The following SPTBN4 variants were observed in gnomAD, a reference collection of about 807,000 sequenced individuals.
The protein encoded by SPTBN4 is spectrin beta chain, non-erythrocytic 4.
A neutral mutation model predicts 277.8 loss-of-function variants in SPTBN4; 96 were observed. The observed-to-expected ratio is 0.35, with a 90% CI of 0.29 to 0.41. The LOEUF (loss-of-function observed/expected upper bound fraction) is 0.41, where lower values mean the gene tolerates loss of function less well. Ranked by LOEUF, SPTBN4 falls within the 10% of genes least tolerant of loss-of-function variation. The pLI is 1.00. For synonymous variants in SPTBN4, 1,481 were observed against 1,580.3 expected, an observed-to-expected ratio of 0.94 and a Z score of 1.49; for missense variants, 3,006 against 3,595.7, an observed-to-expected ratio of 0.84 and a Z score of 4.19.
intron 18 of SPTBN4, among the ~76,000 whole-genome samples, chr19:40,531,489 T>TTG: frequency 9.2e-6 from 1 of 108,396 alleles, no homozygotes; most frequent in Non-Finnish European, 1.9e-5. Context: ...TTTTTTTTTT[T>TTG]TTTTTTTTTT....
intron 2 of SPTBN4, among the ~76,000 whole-genome samples, chr19:40,483,554 G>T (rs2080036085): frequency 6.6e-6 from 1 of 152,058 alleles, no homozygotes; most frequent in Non-Finnish European, 1.5e-5. Flanking sequence ...AAACAAATAT[G>T]CAAATATTAA....
At chr19:40,483,336 TA>T (rs1404589631) in intron 2 of SPTBN4, among the ~76,000 whole-genome samples, 1 of 152,096 alleles carries the variant, frequency 6.6e-6, no homozygotes, top group African/African-American at 2.4e-5. Flanking sequence ...ATCCTCAATT[TA>T]AAATAATTAA....
chr19:40,480,242 A>G (rs530788297), intron 2 of SPTBN4, among the ~76,000 whole-genome samples: 1 of 126,378 alleles, frequency 7.9e-6, no homozygotes, highest in East Asian at 2.2e-4. Flanking sequence ...ACAGAGAGAG[A>G]CTCCGTCTCA....
At position 40,513,192 on chromosome 19, in the gene SPTBN4, C is replaced by T. The variant is rs2080413529; in HGVS notation, c.2403C>T (p.Phe801=). Residue 801 remains phenylalanine, a synonymous_variant, in exon 14 of 36, where the codon TTC becomes TTT. Coordinates refer to ENST00000598249, the MANE Select transcript of SPTBN4 (RefSeq NM_020971.3). The stretch of plus-strand genomic sequence containing the variant: ...ACCGCCTGGCAGCCGCCGGTGACTT[C>T]GGCCACGACGAAGCTTCCAGCCGCC... ...DAYRLAAAGD[F]GHDEASSRRL... 2.7e-6 allele frequency: 4 copies of T among 1,504,228 alleles called. No homozygotes were observed. The highest frequency in any genetic ancestry group is 3.5e-6 in the Non-Finnish European group (4 of 1,134,920). The allele number at this position is 1,504,228 out of a possible 1,614,324, so 93.2% of individuals were successfully genotyped here. A position where few individuals can be genotyped will look rare whatever the true frequency, so the allele number is the denominator to read the frequency against.
chr19:40,557,786 C>T (rs559853922), intron 26 of SPTBN4, among the ~76,000 whole-genome samples: 6 of 151,888 alleles, frequency 4.0e-5, no homozygotes, highest in Middle Eastern at 6.8e-3. Flanking sequence ...GGTCTGGTGG[C>T]GGGCACCTGT....
rs546010837 is a variant in SPTBN4, at chr19:40,545,752, T to G, written c.4360-3437T>G. On this transcript the variant is annotated intron_variant, in intron 20 of 35. Coordinates refer to ENST00000598249, the MANE Select transcript of SPTBN4 (RefSeq NM_020971.3). ...GTGAAACCCCATCTCTATTAAAAAT[T>G]CAGAATTGGCCAGGCGTGGTGGCTC... Among the ~76,000 whole-genome samples the G allele has an allele frequency of 2.4e-3, 361 of 150,974 alleles. 1 individual carries two copies. The highest frequency in any genetic ancestry group is 8.6e-3 in the African/African-American group (353 of 41,116).
chr19:40,522,073 C>T (rs528315512), intron 16 of SPTBN4, among the ~76,000 whole-genome samples: 40 of 152,296 alleles, frequency 2.6e-4, no homozygotes, highest in African/African-American at 9.4e-4. Context: ...GTCACCCGGG[C>T]CAGAGTACAG....
At position 40,568,248 on chromosome 19, in the gene SPTBN4, C is replaced by A; in HGVS notation, c.6922C>A (p.Gln2308Lys). The part of the protein sequence containing the change: ...RRLERQESSE[Q>K]EMPIRGDLVK... ...CTTGGAGCGGCAGGAGTCCAGCGAA[C>A]AGGAGATGCCCATCAGAGGAGACCT... The change falls in exon 31 of 36, where the codon CAG (glutamine) becomes AAG (lysine). Residue 2308 changes from glutamine to lysine, a missense_variant. Gln to Lys is a moderately conservative substitution (Grantham distance 53). Around this residue, in one of 5 missense-constraint regions of SPTBN4, gnomAD observed 630 missense variants for 677.6 expected, o/e 0.93. Coordinates refer to ENST00000598249, the MANE Select transcript of SPTBN4 (RefSeq NM_020971.3). 6.2e-7 allele frequency: 1 copy of A among 1,602,902 alleles called. No homozygotes were observed.
rs10420988 is a variant in SPTBN4, at chr19:40,504,138, G to T, written c.1665+6G>T. On this transcript the variant is annotated splice_donor_region_variant and intron_variant, in intron 12 of 35. Transcript: ENST00000598249. The stretch of plus-strand genomic sequence containing the variant: ...ACTGGATGGAGGAGATGCAGGTGCC[G>T]GCGGGGGGGCGGGGATGCGGGTGGA... The T allele has an allele frequency of 0.18, 247,032 of 1,388,718 alleles. 29,056 individuals are homozygous for T. Among genetic ancestry groups the T allele is most frequent in the Middle Eastern group, 0.21 (1,036 of 4,976 alleles). The allele number at this position is 1,388,718 out of a possible 1,614,324, so 86.0% of individuals were successfully genotyped here.
intron 20 of SPTBN4, among the ~76,000 whole-genome samples, chr19:40,536,469 C>T (rs774490134): frequency 1.3e-5 from 2 of 152,072 alleles, no homozygotes; most frequent in South Asian, 4.2e-4. Flanking sequence ...CCGCCTTGGC[C>T]TCCCAAAGTA....
intron 22 of SPTBN4, among the ~76,000 whole-genome samples, chr19:40,550,811 G>T (rs1259116239): frequency 6.6e-6 from 1 of 152,064 alleles, no homozygotes; most frequent in African/African-American, 2.4e-5. Flanking sequence ...GAGCCACCGC[G>T]CCCGGCCTGT....
rs1233128652 is a variant in SPTBN4 at position 40,570,508 on chromosome 19, C to A, written c.7099C>A (p.Pro2367Thr). ...PNGLELPERTPRPDRPRARDR... is the reference protein window; with the variant it reads ...PNGLELPERTTRPDRPRARDR... ...CGGGCTTGAGCTGCCCGAGCGGACA[C>A]CTCGGCCGGACCGGCCCCGGGCGCG... Residue 2367 changes from proline to threonine, a missense_variant, in exon 33 of 36, where the codon CCT (proline) becomes ACT (threonine). Around this residue, in one of 5 missense-constraint regions of SPTBN4, gnomAD observed 630 missense variants for 677.6 expected, o/e 0.93. Coordinates refer to ENST00000598249, the MANE Select transcript of SPTBN4 (RefSeq NM_020971.3). 4.6e-6 allele frequency: 7 copies of A among 1,530,820 alleles called. No homozygotes were observed. In the South Asian group the frequency reaches 5.9e-5, roughly 13 times the overall value. 94.8% of individuals were successfully genotyped at this position (1,530,820 alleles called of 1,614,324 possible). A position where few individuals can be genotyped will look rare whatever the true frequency, so the allele number is the denominator to read the frequency against.
rs1190773414 is a variant in SPTBN4 at position 40,512,631 on chromosome 19, C to G, written c.1842C>G (p.Val614=). 1 of 1,541,328 alleles carries G rather than the reference C, an allele frequency of 6.5e-7. No homozygotes were observed. Among genetic ancestry groups the G allele is most frequent in the Admixed American group, 1.9e-5 (1 of 52,906 alleles). ...GCTACCAGCCCTGCGACCCGCAGGTCATCTGCAACCGCGTGAACCACGTGC... is the reference window on the plus strand; with the variant it reads ...GCTACCAGCCCTGCGACCCGCAGGTGATCTGCAACCGCGTGAACCACGTGC... The part of the protein sequence containing the change: ...LQGYQPCDPQ[V]ICNRVNHVHG... Residue 614 remains valine (V), a synonymous_variant, in exon 14 of 36, where the codon GTC becomes GTG. Coordinates refer to ENST00000598249, the MANE Select transcript of SPTBN4 (RefSeq NM_020971.3).
chr19:40,556,409 A>G, intron 25 of SPTBN4, 121 bp downstream of exon 25: 1 of 863,642 alleles, frequency 1.2e-6, no homozygotes, highest in Non-Finnish European at 1.7e-6. Flanking sequence ...GCTGTGAGAC[A>G]AATGAGTTAA....
chr19:40,526,593 C>A (rs1028123327), intron 17 of SPTBN4, among the ~76,000 whole-genome samples: 1 of 151,732 alleles, frequency 6.6e-6, no homozygotes, highest in Non-Finnish European at 1.5e-5. Flanking sequence ...CTTTTCTTTT[C>A]TTTTTTTTAA....
At chr19:40,543,391 C>T (rs907189662) in intron 20 of SPTBN4, among the ~76,000 whole-genome samples, 1 of 152,016 alleles carries the variant, frequency 6.6e-6, no homozygotes, top group Non-Finnish European at 1.5e-5. Flanking sequence ...TCTGCTTGGC[C>T]CCACTTGGGT....
Position 40,490,606 on chromosome 19 carries a change from C to T in SPTBN4, c.495+358C>T, listed in dbSNP as rs117736533. Among the ~76,000 whole-genome samples, 2,665 of 152,172 alleles carry T rather than the reference C, an allele frequency of 0.018. 34 individuals carry two copies. The highest frequency in any genetic ancestry group is 0.026 in the Non-Finnish European group (1,793 of 68,016). On this transcript the variant is annotated intron_variant, in intron 4 of 35. Transcript: ENST00000598249. This position sits in a 1 kb window ranked among gnomAD's most constrained non-coding sequence, Gnocchi z 4.3. ...ATACCTGGGTGTTGGAGCTGAAATT[C>T]GAATCCAGGCAATCTTGATCCAGTA...
chr19:40,567,560 A>AT, intron 30 of SPTBN4, 103 bp from the exon 31 acceptor site: 1 of 1,210,734 alleles, frequency 8.3e-7, no homozygotes, highest in Non-Finnish European at 1.1e-6. Context: ...GAACTGGTCA[A>AT]TTGAGTGATG....
intron 26 of SPTBN4, among the ~76,000 whole-genome samples, chr19:40,558,403 T>G (rs2081006756): frequency 6.6e-6 from 1 of 151,532 alleles, no homozygotes; most frequent in Admixed American, 6.6e-5. Context: ...GGAAATCATA[T>G]GACTTTTCTG....
Sources: gnomAD v4.1 joint callset for allele counts (sites outside exome capture counted in the v4.1 genomes callset) on GRCh38, gnomAD v4.1.1 for gene constraint, gnomAD v4.1.1 regional missense constraint, Gnocchi (gnomAD v3.1) non-coding constraint, MANE v1.5 for transcripts, NCBI Gene and HGNC (gene_info 2026-07-23, HGNC 2026-07-21) for gene names.